The following NME7 variants were observed in gnomAD, a reference collection of about 807,000 sequenced individuals.
NME7 encodes the protein nucleoside diphosphate kinase 7.
NME7 carries 41 observed loss-of-function variants against 49.1 expected under a neutral mutation model. The observed-to-expected ratio is 0.83, with a 90% CI of 0.65 to 1.08. The LOEUF (loss-of-function observed/expected upper bound fraction) is 1.08. Ranked by LOEUF, NME7 falls within the 50% of genes least tolerant of loss-of-function variation. The pLI, the probability that NME7 is intolerant of heterozygous loss-of-function variation, is 0.00. For synonymous variants in NME7, 139 were observed against 150.6 expected (o/e 0.92, Z 0.56); for missense variants, 423 against 463.4 (o/e 0.91, Z 0.80).
chr1:169,221,649 G>C (rs1661142946), intron 10 of NME7, among the ~76,000 whole-genome samples: 1 of 151,506 alleles, frequency 6.6e-6, no homozygotes, highest in African/African-American at 2.4e-5. Context: ...TGTGTGCCAG[G>C]TAGTATATGT....
At chr1:169,360,811 C>T (rs1653625554) in intron 1 of NME7, among the ~76,000 whole-genome samples, 2 of 152,152 alleles carry the variant, frequency 1.3e-5, no homozygotes, top group Admixed American at 1.3e-4. Flanking sequence ...CCTCATAGTA[C>T]TTATCATCAT....
intron 11 of NME7, among the ~76,000 whole-genome samples, chr1:169,152,399 C>T (rs562925003): frequency 6.6e-6 from 1 of 152,250 alleles, no homozygotes; most frequent in South Asian, 2.1e-4. Flanking sequence ...GCTTGGACAG[C>T]TAGTAAGTGG....
chr1:169,238,569 A>G (rs1490012631), intron 7 of NME7, among the ~76,000 whole-genome samples: 4 of 151,480 alleles, frequency 2.6e-5, no homozygotes, highest in Admixed American at 6.6e-5. Context: ...ACCATGTACT[A>G]TTAGTGTCTG....
At chr1:169,230,144 T>C (rs947744387) in intron 10 of NME7, among the ~76,000 whole-genome samples, 3 of 152,156 alleles carry the variant, frequency 2.0e-5, no homozygotes, top group African/African-American at 7.2e-5. Context: ...AATATTTGCA[T>C]AGAGCTTTAT....
chr1:169,218,499 T>A lies in NME7; in HGVS notation c.990+12219A>T, dbSNP rs76030782. On this transcript the variant is annotated intron_variant, in intron 10 of 11. Transcript: ENST00000367811. Reference sequence around the variant, plus strand: ...TACTCGGGATGCTGAGATGGGAGGATTGCTTGAGATGGGGAGATTCAGGCT... The same window carrying A: ...TACTCGGGATGCTGAGATGGGAGGAATGCTTGAGATGGGGAGATTCAGGCT... Among the ~76,000 whole-genome samples, 143 of 152,106 alleles carry A rather than the reference T, an allele frequency of 9.4e-4. 1 individual carries two copies. Among genetic ancestry groups the A allele is most frequent in the Non-Finnish European group, 1.6e-3 (108 of 67,988 alleles).
At chr1:169,268,121 T>C (rs1191095009) in intron 7 of NME7, among the ~76,000 whole-genome samples, 1 of 131,432 alleles carries the variant, frequency 7.6e-6, no homozygotes, top group East Asian at 2.0e-4. Flanking sequence ...CATAACACAG[T>C]GGGTGAAGGA....
chr1:169,356,199 T>A (rs1003979745), intron 1 of NME7, among the ~76,000 whole-genome samples: 2 of 152,176 alleles, frequency 1.3e-5, no homozygotes, highest in African/African-American at 2.4e-5. Flanking sequence ...CAATACCTAC[T>A]TCCAAGGACA....
intron 1 of NME7, among the ~76,000 whole-genome samples, chr1:169,333,574 G>C (rs568561452): frequency 6.6e-6 from 1 of 151,902 alleles, no homozygotes; most frequent in South Asian, 2.1e-4. Context: ...ATTTCACATT[G>C]CATGCCTGTA....
chr1:169,188,921 G>A (rs1175448073), intron 10 of NME7, among the ~76,000 whole-genome samples: 1 of 152,170 alleles, frequency 6.6e-6, no homozygotes. Flanking sequence ...TAGGTATCAG[G>A]AAAAGTTGGG....
intron 4 of NME7, among the ~76,000 whole-genome samples, chr1:169,306,231 G>T (rs927514367): frequency 5.3e-5 from 8 of 152,160 alleles, no homozygotes; most frequent in African/African-American, 1.9e-4. Flanking sequence ...TTGTCTGCTT[G>T]ACCATATTTT....
chr1:169,167,164 G>A (rs1289746521), intron 11 of NME7, among the ~76,000 whole-genome samples: 1 of 151,896 alleles, frequency 6.6e-6, no homozygotes, highest in Non-Finnish European at 1.5e-5. Context: ...ACAATGAAAG[G>A]ATGGATGGAT....
chr1:169,241,857 T>C (rs912680561), intron 7 of NME7, among the ~76,000 whole-genome samples: 2 of 151,858 alleles, frequency 1.3e-5, no homozygotes, highest in African/African-American at 2.4e-5. Flanking sequence ...TATCCTGATA[T>C]TGAAATCATA....
chr1:169,223,786 T>TAGAG (rs202096714), intron 10 of NME7, among the ~76,000 whole-genome samples: 87 of 150,214 alleles, frequency 5.8e-4, no homozygotes, highest in African/African-American at 2.0e-3. Context: ...TATATATATA[T>TAGAG]AGAGAGAGAG....
At chr1:169,136,061 G>C (rs1658418458) in intron 11 of NME7, among the ~76,000 whole-genome samples, 3 of 152,110 alleles carry the variant, frequency 2.0e-5, no homozygotes, top group Admixed American at 6.5e-5. Flanking sequence ...ACCCTATACA[G>C]ACCAGGCAGG....
In NME7 at chr1:169,274,759, C is replaced by T. The variant is rs1270681399; in HGVS notation, c.754+12544G>A. Among the ~76,000 whole-genome samples the T allele has an allele frequency of 1.5e-5, 2 of 133,440 alleles. 1 individual carries two copies. Among genetic ancestry groups the T allele is most frequent in the Admixed American group, 1.5e-4 (2 of 13,586 alleles). 87.5% of individuals were successfully genotyped at this position (133,440 alleles called of 152,430 possible). A position where few individuals can be genotyped will look rare whatever the true frequency, so the allele number is the denominator to read the frequency against. ...CATTGCTTGTTTTTCTCAGGTTTGT[C>T]AAAGATCAGATAGTTGTAGATATGT... On this transcript the variant is annotated intron_variant, in intron 7 of 11. Coordinates refer to ENST00000367811, the MANE Select transcript of NME7 (RefSeq NM_013330.5).
intron 7 of NME7, among the ~76,000 whole-genome samples, chr1:169,278,936 T>C (rs1448415702): frequency 6.6e-6 from 1 of 152,206 alleles, no homozygotes; most frequent in Non-Finnish European, 1.5e-5. Flanking sequence ...TGTTGGAGTT[T>C]GCTAGAGGTC....
chr1:169,314,746 C>A (rs1232977438), intron 3 of NME7, among the ~76,000 whole-genome samples: 1 of 150,164 alleles, frequency 6.7e-6, no homozygotes, highest in Non-Finnish European at 1.5e-5. Context: ...GCACACGTAT[C>A]CCGGAACTTA....
chr1:169,219,623 C>T (rs79899534), intron 10 of NME7, among the ~76,000 whole-genome samples: 6,393 of 152,214 alleles, frequency 0.042, 201 homozygotes, highest in East Asian at 0.12. Flanking sequence ...TAGTCTCGAG[C>T]TCCTGAGCTC....
intron 8 of NME7, among the ~76,000 whole-genome samples, chr1:169,236,794 G>A (rs930507368): frequency 4.0e-5 from 6 of 150,802 alleles, no homozygotes; most frequent in Admixed American, 4.0e-4. Flanking sequence ...TTGATTTTGG[G>A]TAATCTTAAG....
Sources: allele counts gnomAD v4.1 joint callset (sites outside exome capture counted in the v4.1 genomes callset), GRCh38; gene constraint gnomAD v4.1.1; transcripts MANE v1.5; gene names NCBI Gene and HGNC (gene_info 2026-07-23, HGNC 2026-07-21).